The following DDR2 variants were observed in gnomAD, a reference collection of about 807,000 sequenced individuals.
DDR2 encodes the protein discoidin domain-containing receptor 2.
DDR2 carries 27 observed loss-of-function variants against 94.9 expected under a neutral mutation model. The observed-to-expected ratio is 0.28, with a 90% CI of 0.21 to 0.39. The LOEUF is 0.39. DDR2 is among the 10% of genes least tolerant of loss of function. DDR2 has a pLI of 1.00. For synonymous variants in DDR2, 382 were observed against 377.2 expected (o/e 1.01, Z -0.15); for missense variants, 783 against 1,076.0 (o/e 0.73, Z 3.81).
At position 162,773,491 on chromosome 1, in the gene DDR2, G is replaced by A. The variant is rs2102189650; in HGVS notation, c.1751G>A (p.Gly584Glu). Residue 584 changes from glycine (G) to glutamate (E), a missense_variant, in exon 14 of 18, where the codon GGA becomes GAA. Around this residue, in one of 2 missense-constraint regions of DDR2, gnomAD observed 264 missense variants for 428.2 expected, o/e 0.62. Transcript: ENST00000367921. ...TAGGTTCATCTCTGTGAAGTGGAGG[G>A]AATGGAAAAATTCAAAGACAAAGAT... ...FGEVHLCEVEGMEKFKDKDFA... is the reference protein window; with the variant it reads ...FGEVHLCEVEEMEKFKDKDFA... 1 of 1,613,960 alleles carries A rather than the reference G, an allele frequency of 6.2e-7. No individual in the cohort carries two copies. Among genetic ancestry groups the A allele is most frequent in the Non-Finnish European group, 8.5e-7 (1 of 1,179,892 alleles).
intron 2 of DDR2, among the ~76,000 whole-genome samples, chr1:162,669,060 A>T (rs554453196): frequency 6.6e-6 from 1 of 152,338 alleles, no homozygotes; most frequent in South Asian, 2.1e-4. Flanking sequence ...TTGGGGCGCA[A>T]ATATTATAAC....
intron 2 of DDR2, among the ~76,000 whole-genome samples, chr1:162,694,547 TCTC>T (rs1485087323): frequency 2.0e-5 from 3 of 152,160 alleles, no homozygotes; most frequent in Admixed American, 6.5e-5. Context: ...GTCCCTGTGT[TCTC>T]CTATCGTTGC....
At chr1:162,643,512 C>A (rs147803306) in intron 1 of DDR2, among the ~76,000 whole-genome samples, 1 of 152,026 alleles carries the variant, frequency 6.6e-6, no homozygotes, top group Admixed American at 6.6e-5. Flanking sequence ...GATGGAGTCT[C>A]GCTCTGTCAC....
intron 3 of DDR2, among the ~76,000 whole-genome samples, chr1:162,735,559 A>T (rs2102069604): frequency 6.6e-6 from 1 of 152,286 alleles, no homozygotes; most frequent in African/African-American, 2.4e-5. Context: ...GCATATTTTG[A>T]GGATCACAGC....
chr1:162,757,529 A>G (rs1431388198), intron 7 of DDR2, among the ~76,000 whole-genome samples: 1 of 152,206 alleles, frequency 6.6e-6, no homozygotes, highest in Non-Finnish European at 1.5e-5. Context: ...ATTATGCCAT[A>G]TTTTGAAGGA....
chr1:162,656,999 C>T (rs1272442974), intron 2 of DDR2, among the ~76,000 whole-genome samples: 11 of 151,576 alleles, frequency 7.3e-5, no homozygotes, highest in Middle Eastern at 3.4e-3. Context: ...TACAGGCACA[C>T]GCCACCACTT....
chr1:162,637,427 T>A (rs1656881434), intron 1 of DDR2, among the ~76,000 whole-genome samples: 1 of 152,134 alleles, frequency 6.6e-6, no homozygotes, highest in South Asian at 2.1e-4. Flanking sequence ...CAACTTTAGC[T>A]TTACAGAAAA....
chr1:162,702,612 A>G (rs962782286), intron 2 of DDR2, among the ~76,000 whole-genome samples: 1 of 152,198 alleles, frequency 6.6e-6, no homozygotes, highest in Non-Finnish European at 1.5e-5. Context: ...TTTCAACCTC[A>G]TGATTCTCAA....
At chr1:162,743,588 A>G (rs1662711197) in intron 3 of DDR2, among the ~76,000 whole-genome samples, 1 of 152,214 alleles carries the variant, frequency 6.6e-6, no homozygotes, top group African/African-American at 2.4e-5. Flanking sequence ...CTGTAAACAT[A>G]AATGTCCCCT....
At chr1:162,726,020 G>A (rs1304085673) in intron 3 of DDR2, among the ~76,000 whole-genome samples, 1 of 152,180 alleles carries the variant, frequency 6.6e-6, no homozygotes, top group East Asian at 1.9e-4. Context: ...TTGCCTACTC[G>A]CTGGACGAGC....
intron 8 of DDR2, among the ~76,000 whole-genome samples, chr1:162,760,603 C>T (rs1663680466): frequency 1.0e-5 from 1 of 98,532 alleles, no homozygotes; most frequent in Non-Finnish European, 2.1e-5. Context: ...TATGTATATA[C>T]ATATACAACT....
intron 16 of DDR2, among the ~76,000 whole-genome samples, chr1:162,778,314 T>G (rs559602837): frequency 6.6e-6 from 1 of 152,314 alleles, no homozygotes; most frequent in South Asian, 2.1e-4. Flanking sequence ...AGTTGAAAGG[T>G]TGACCTAACA....
chr1:162,750,669 A>G (rs1012699357), intron 3 of DDR2, among the ~76,000 whole-genome samples: 1 of 152,228 alleles, frequency 6.6e-6, no homozygotes, highest in Non-Finnish European at 1.5e-5. Context: ...TGGAACCAAA[A>G]AAGAGCCCGC....
chr1:162,728,553 T>A (rs751564395), intron 3 of DDR2, among the ~76,000 whole-genome samples: 1 of 152,208 alleles, frequency 6.6e-6, no homozygotes, highest in Non-Finnish European at 1.5e-5. Context: ...AAATGTTTTA[T>A]GATCAAAGGC....
intron 2 of DDR2, among the ~76,000 whole-genome samples, chr1:162,690,164 A>G (rs1051551990): frequency 3.3e-5 from 5 of 152,070 alleles, no homozygotes; most frequent in Admixed American, 3.3e-4. Context: ...TATGCTTGTA[A>G]CTGCTTTCTG....
chr1:162,727,526 A>AAATG (rs1382796098), intron 3 of DDR2, among the ~76,000 whole-genome samples: 2 of 146,330 alleles, frequency 1.4e-5, no homozygotes, highest in African/African-American at 5.0e-5. Context: ...ATAAATAAAT[A>AAATG]AATAAAAATA....
intron 2 of DDR2, among the ~76,000 whole-genome samples, chr1:162,699,896 C>T (rs905234072): frequency 6.6e-6 from 1 of 152,198 alleles, no homozygotes; most frequent in African/African-American, 2.4e-5. Flanking sequence ...AGATAACACT[C>T]AGAAAGATCT....
chr1:162,674,846 A>C (rs957296591), intron 2 of DDR2, among the ~76,000 whole-genome samples: 1 of 152,164 alleles, frequency 6.6e-6, no homozygotes, highest in African/African-American at 2.4e-5. Flanking sequence ...CTAAATTTTC[A>C]TGATTTGGAT....
At chr1:162,654,431 G>A (rs1368383404) in intron 1 of DDR2, among the ~76,000 whole-genome samples, 1 of 152,122 alleles carries the variant, frequency 6.6e-6, no homozygotes, top group African/African-American at 2.4e-5. Flanking sequence ...GGGCAACAAA[G>A]CAACACCCTG....
Sources: allele counts gnomAD v4.1 joint callset (sites outside exome capture counted in the v4.1 genomes callset), GRCh38; gene constraint gnomAD v4.1.1; regional missense constraint gnomAD v4.1.1; transcripts MANE v1.5; gene names NCBI Gene and HGNC (gene_info 2026-07-23, HGNC 2026-07-21).